Variants in TMEM38A observed in about 807,000 individuals in gnomAD.
TMEM38A encodes transmembrane protein 38A, also known as trimeric intracellular cation channel type A.
TMEM38A carries 17 observed loss-of-function variants against 28.6 expected under a neutral mutation model. That is an observed-to-expected ratio of 0.60 (90% CI 0.41 to 0.89). The LOEUF is 0.89. Ranked by LOEUF, TMEM38A falls within the 40% of genes least tolerant of loss-of-function variation. The pLI is 0.00. For missense variants in TMEM38A, 328 were observed against 393.1 expected (o/e 0.83, Z 1.40); for synonymous variants, 169 against 166.1 (o/e 1.02, Z -0.14).
intron 1 of TMEM38A, among the ~76,000 whole-genome samples, chr19:16,667,861 G>GA (rs112685452): frequency 0.09 from 11,427 of 127,286 alleles, 658 homozygotes; most frequent in African/African-American, 0.17. Context: ...CTCCGTCTCA[G>GA]AAAAAAAAAA....
chr19:16,673,324 C>T (rs532612143), intron 1 of TMEM38A, among the ~76,000 whole-genome samples: 12 of 152,268 alleles, frequency 7.9e-5, no homozygotes, highest in African/African-American at 2.6e-4. Flanking sequence ...TCAAGTGATC[C>T]GCCTGCCTTG....
chr19:16,676,823 C>T (rs1005307304), intron 1 of TMEM38A, among the ~76,000 whole-genome samples: 4 of 142,890 alleles, frequency 2.8e-5, no homozygotes, highest in South Asian at 2.2e-4. Context: ...GGCAATGGCA[C>T]GATCTCAGCT....
chr19:16,668,469 T>TG (rs2086712563), intron 1 of TMEM38A, among the ~76,000 whole-genome samples: 1 of 127,356 alleles, frequency 7.9e-6, no homozygotes, highest in Admixed American at 8.5e-5. Flanking sequence ...TGCTTGAACC[T>TG]GGGGGGAGGC....
intron 2 of TMEM38A, 42 bp downstream of exon 2, chr19:16,680,182 AAAC>A (rs2086775548): frequency 1.9e-6 from 3 of 1,593,438 alleles, no homozygotes; most frequent in South Asian, 1.1e-5. Context: ...CGGGTGGGGG[AAAC>A]AACAACCTGG....
At position 16,661,213 on chromosome 19, in the gene TMEM38A, G is replaced by C. The variant is rs2086674265; in HGVS notation, c.-5G>C. On this transcript the variant is annotated 5_prime_UTR_variant, in exon 1 of 6. Coordinates refer to ENST00000187762, the MANE Select transcript of TMEM38A (RefSeq NM_024074.4). This position sits in a 1 kb window ranked among gnomAD's most constrained non-coding sequence, Gnocchi z 6.5. The stretch of plus-strand genomic sequence containing the variant: ...TGGCACCCGGCAGGCGGGCAGGCGG[G>C]CGCCATGGAGCTGCTCTCGGCGCTG... 6.7e-7 allele frequency: 1 copy of C among 1,483,510 alleles called. No individual in the cohort carries two copies. The highest frequency in any genetic ancestry group is 9.0e-7 in the Non-Finnish European group (1 of 1,108,790). 91.9% of individuals were successfully genotyped at this position (1,483,510 alleles called of 1,614,324 possible).
At chr19:16,688,106 CTG>C in intron 5 of TMEM38A, 36 bp from the exon 6 acceptor site, 1 of 1,384,564 alleles carries the variant, frequency 7.2e-7, no homozygotes, top group Non-Finnish European at 9.5e-7. Flanking sequence ...TGGTCTCCCT[CTG>C]TCTCTCTTGC....
intron 1 of TMEM38A, among the ~76,000 whole-genome samples, chr19:16,666,983 T>C (rs1461960089): frequency 4.3e-5 from 6 of 138,628 alleles, no homozygotes; most frequent in African/African-American, 5.4e-5. Flanking sequence ...AAATGCAGAG[T>C]TCTGGCCAAG....
chr19:16,668,266 T>C (rs2086711770), intron 1 of TMEM38A, among the ~76,000 whole-genome samples: 1 of 150,808 alleles, frequency 6.6e-6, no homozygotes, highest in African/African-American at 2.4e-5. Context: ...ATCATGGGGC[T>C]GAAGGAGGTG....
intron 1 of TMEM38A, among the ~76,000 whole-genome samples, chr19:16,675,861 C>T (rs369141627): frequency 1.3e-5 from 2 of 151,966 alleles, no homozygotes; most frequent in Admixed American, 6.6e-5. Flanking sequence ...TAACCCCGTT[C>T]GTGAGGGGTC....
At position 16,661,272 on chromosome 19, in the gene TMEM38A, G is replaced by T. The variant is rs754227986; in HGVS notation, c.55G>T (p.Val19Leu). 5.0e-6 allele frequency: 8 copies of T among 1,598,426 alleles called. No homozygotes were observed. In the East Asian group the frequency reaches 1.9e-4, roughly 37 times the overall value. The change falls in exon 1 of 6, where the codon GTG becomes TTG. Residue 19 changes from valine (V) to leucine (L), a missense_variant. Physicochemically the swap from Val to Leu is conservative, Grantham distance 32. Transcript: ENST00000187762. The surrounding 1 kb of genome is among the most constrained non-coding windows in gnomAD (Gnocchi z 6.5). ...LGELALSFSRVPLFPVFDLSY... is the reference protein window; with the variant it reads ...LGELALSFSRLPLFPVFDLSY... ...CGAACTGGCGCTCAGCTTCTCGCGG[G>T]TGCCGCTCTTCCCCGTCTTCGACCT... is the stretch of plus-strand genomic sequence containing the variant.
intron 1 of TMEM38A, among the ~76,000 whole-genome samples, chr19:16,663,758 G>A (rs1282235265): frequency 2.6e-5 from 4 of 150,992 alleles, no homozygotes; most frequent in South Asian, 2.1e-4. Context: ...GGATGGTCTC[G>A]ATTTCCTGAC....
chr19:16,676,312 C>T (rs1385855691), intron 1 of TMEM38A, among the ~76,000 whole-genome samples: 1 of 152,080 alleles, frequency 6.6e-6, no homozygotes, highest in African/African-American at 2.4e-5. Context: ...TCTGAGATTG[C>T]GCCACTGCAC....
At chr19:16,673,718 C>G (rs1382043858) in intron 1 of TMEM38A, among the ~76,000 whole-genome samples, 1 of 152,080 alleles carries the variant, frequency 6.6e-6, no homozygotes, top group African/African-American at 2.4e-5. Flanking sequence ...AACGTAATTC[C>G]TTTTACAGAG....
intron 1 of TMEM38A, among the ~76,000 whole-genome samples, chr19:16,670,205 T>C (rs1161776762): frequency 6.6e-6 from 1 of 151,702 alleles, no homozygotes; most frequent in East Asian, 1.9e-4. Context: ...CCTGACCTTG[T>C]GATCCACCCG....
At chr19:16,674,609 G>A (rs1360255109) in intron 1 of TMEM38A, among the ~76,000 whole-genome samples, 1 of 151,796 alleles carries the variant, frequency 6.6e-6, no homozygotes, top group East Asian at 1.9e-4. Context: ...AGACCAGCCT[G>A]ACCAACATGG....
chr19:16,680,201 A>C, intron 2 of TMEM38A, 61 bp downstream of exon 2: 1 of 1,582,166 alleles, frequency 6.3e-7, no homozygotes, highest in Non-Finnish European at 8.6e-7. Flanking sequence ...CCTGGGCACC[A>C]GGGAGGAGAG....
At chr19:16,677,070 A>AAAGG (rs2086755080) in intron 1 of TMEM38A, among the ~76,000 whole-genome samples, 1 of 138,376 alleles carries the variant, frequency 7.2e-6, no homozygotes, top group Non-Finnish European at 1.5e-5. Context: ...CCTTTTTTTA[A>AAAGG]AAAGAAAAAA....
intron 5 of TMEM38A, 95 bp downstream of exon 5, chr19:16,686,500 A>T: frequency 9.9e-7 from 1 of 1,008,604 alleles, no homozygotes. Context: ...TCCCAGCCTT[A>T]TGTGGCTGGG....
chr19:16,678,865 A>G (rs1327874062), intron 1 of TMEM38A, among the ~76,000 whole-genome samples: 1 of 151,212 alleles, frequency 6.6e-6, no homozygotes, highest in African/African-American at 2.4e-5. Flanking sequence ...ATACCAGCAT[A>G]AGGCTGGGCA....
Sources: allele counts gnomAD v4.1 joint callset (sites outside exome capture counted in the v4.1 genomes callset), GRCh38; gene constraint gnomAD v4.1.1; non-coding constraint Gnocchi (gnomAD v3.1); transcripts MANE v1.5; gene names NCBI Gene and HGNC (gene_info 2026-07-23, HGNC 2026-07-21).